The following PRKCA variants were observed in gnomAD, a reference collection of about 807,000 sequenced individuals.
PRKCA encodes the protein protein kinase C alpha type.
A neutral mutation model predicts 87.0 loss-of-function variants in PRKCA; 27 were observed. The ratio of observed to expected loss-of-function variants is 0.31; its 90% confidence interval spans 0.23 to 0.43. PRKCA has a LOEUF of 0.43. Among genes scored for constraint, PRKCA ranks in the 20% least tolerant of loss-of-function variants. The pLI is 1.00. For missense variants in PRKCA, 518 were observed against 852.3 expected, an observed-to-expected ratio of 0.61 and a Z score of 4.88; for synonymous variants, 329 against 311.1, an observed-to-expected ratio of 1.06 and a Z score of -0.61.
At chr17:66,454,765 T>C (rs1914503880) in intron 2 of PRKCA, among the ~76,000 whole-genome samples, 1 of 152,208 alleles carries the variant, frequency 6.6e-6, no homozygotes, top group Middle Eastern at 3.2e-3. Context: ...TGTGTAGGAA[T>C]TTACGGGAGG....
chr17:66,772,895 TTAAGA>T (rs1974972730), intron 13 of PRKCA, among the ~76,000 whole-genome samples: 2 of 152,210 alleles, frequency 1.3e-5, no homozygotes, highest in Non-Finnish European at 2.9e-5. Flanking sequence ...TTTTTTTAAT[TTAAGA>T]TATGTCAGTT....
At chr17:66,524,839 C>T (rs1396560391) in intron 3 of PRKCA, among the ~76,000 whole-genome samples, 1 of 152,190 alleles carries the variant, frequency 6.6e-6, no homozygotes, top group Non-Finnish European at 1.5e-5. Context: ...CACCTCTTCC[C>T]TGCAAGGAGA....
chr17:66,335,873 A>G (rs1598599490), intron 2 of PRKCA, among the ~76,000 whole-genome samples: 1 of 152,288 alleles, frequency 6.6e-6, no homozygotes, highest in East Asian at 1.9e-4. Context: ...ACTGGGCTAC[A>G]TAGTATGAAC....
chr17:66,543,937 T>C (rs1019952514), intron 3 of PRKCA, among the ~76,000 whole-genome samples: 1 of 151,982 alleles, frequency 6.6e-6, no homozygotes, highest in Non-Finnish European at 1.5e-5. Flanking sequence ...CTAGGCTGGG[T>C]GCTGTGGCTC....
intron 3 of PRKCA, among the ~76,000 whole-genome samples, chr17:66,511,724 A>G (rs1292717748): frequency 6.7e-6 from 1 of 148,538 alleles, no homozygotes; most frequent in Non-Finnish European, 1.5e-5. Flanking sequence ...TCTGTCACCC[A>G]GGCTGGAGTG....
chr17:66,531,912 A>G (rs7224823), intron 3 of PRKCA, among the ~76,000 whole-genome samples: 240 of 152,204 alleles, frequency 1.6e-3, no homozygotes, highest in African/African-American at 5.5e-3. Context: ...CCATGTTTCC[A>G]GGGGTGGAAT....
intron 14 of PRKCA, among the ~76,000 whole-genome samples, chr17:66,778,449 G>A (rs533936737): frequency 6.6e-6 from 1 of 152,302 alleles, no homozygotes; most frequent in South Asian, 2.1e-4. Flanking sequence ...CCGGGAGGCG[G>A]AGCTTGCAGT....
chr17:66,497,087 A>G (rs1287621160), intron 3 of PRKCA, among the ~76,000 whole-genome samples: 1 of 152,208 alleles, frequency 6.6e-6, no homozygotes, highest in African/African-American at 2.4e-5. Flanking sequence ...GATTGAAATA[A>G]TTTAGCATCT....
chr17:66,400,963 G>T (rs1910988607), intron 2 of PRKCA, among the ~76,000 whole-genome samples: 1 of 152,160 alleles, frequency 6.6e-6, no homozygotes, highest in Non-Finnish European at 1.5e-5. Context: ...TCAGAATACT[G>T]GTTGTACAAA....
At chr17:66,533,708 T>C (rs1049677471) in intron 3 of PRKCA, among the ~76,000 whole-genome samples, 1 of 152,000 alleles carries the variant, frequency 6.6e-6, no homozygotes, top group African/African-American at 2.4e-5. Context: ...CCGCCCCCAC[T>C]GGCCAGGCAG....
chr17:66,534,215 T>C (rs1236402601), intron 3 of PRKCA, among the ~76,000 whole-genome samples: 1 of 152,168 alleles, frequency 6.6e-6, no homozygotes, highest in Non-Finnish European at 1.5e-5. Flanking sequence ...CTGGGTCAGT[T>C]ATTATTGTTC....
chr17:66,440,684 A>C (rs111426047), intron 2 of PRKCA, among the ~76,000 whole-genome samples: 3 of 152,186 alleles, frequency 2.0e-5, no homozygotes, highest in African/African-American at 7.2e-5. Context: ...CCACAGACCG[A>C]GGGTGGGCTA....
At chr17:66,712,569 G>A (rs1436863723) in intron 8 of PRKCA, among the ~76,000 whole-genome samples, 2 of 152,108 alleles carry the variant, frequency 1.3e-5, no homozygotes, top group African/African-American at 4.8e-5. Flanking sequence ...TTCTTGCCTG[G>A]CTCCTCCTAG....
intron 3 of PRKCA, among the ~76,000 whole-genome samples, chr17:66,561,831 A>G (rs945863056): frequency 3.9e-5 from 6 of 151,982 alleles, no homozygotes; most frequent in Non-Finnish European, 8.8e-5. Context: ...TTAAACGATT[A>G]TATGAGGTAC....
intron 2 of PRKCA, among the ~76,000 whole-genome samples, chr17:66,377,396 G>C (rs1909484043): frequency 6.6e-6 from 1 of 151,642 alleles, no homozygotes; most frequent in Non-Finnish European, 1.5e-5. Flanking sequence ...CCAAGAAACA[G>C]GAATTTACTT....
At chr17:66,424,193 A>G (rs762119388) in intron 2 of PRKCA, among the ~76,000 whole-genome samples, 2 of 152,174 alleles carry the variant, frequency 1.3e-5, no homozygotes, top group Non-Finnish European at 2.9e-5. Flanking sequence ...AACAGCAAGT[A>G]TTCTGGATAT....
In PRKCA at chr17:66,578,278, A is replaced by G. The variant is rs564535854; in HGVS notation, c.289-63077A>G. ...CACCTGCAGCAGGTAGAGCCCAGCA[A>G]GTCGGTCCAGGCTTCCGCACATGGT... is the stretch of plus-strand genomic sequence containing the variant. On this transcript the variant is annotated intron_variant, in intron 3 of 16. Coordinates refer to ENST00000413366, the MANE Select transcript of PRKCA (RefSeq NM_002737.3). Among the ~76,000 whole-genome samples the G allele has an allele frequency of 2.2e-4, 34 of 152,280 alleles. 1 individual carries two copies. Among genetic ancestry groups the G allele is most frequent in the Admixed American group, 9.1e-4 (14 of 15,308 alleles).
In PRKCA at chr17:66,428,632, A is replaced by C. The variant is rs191550672; in HGVS notation, c.206-67569A>C. On this transcript the variant is annotated intron_variant, in intron 2 of 16. Coordinates refer to ENST00000413366, the MANE Select transcript of PRKCA (RefSeq NM_002737.3). The stretch of plus-strand genomic sequence containing the variant: ...AATTCTCCTGCTTCAGCCTCCCGAG[A>C]AGCTGGGACTACAGTCATGTATCAC... Among the ~76,000 whole-genome samples, 28 of 151,790 alleles carry C rather than the reference A, an allele frequency of 1.8e-4. 1 individual carries two copies. In the East Asian group the frequency reaches 5.2e-3, roughly 28 times the overall value.
chr17:66,441,087 G>A (rs573024367), intron 2 of PRKCA, among the ~76,000 whole-genome samples: 21 of 151,040 alleles, frequency 1.4e-4, no homozygotes, highest in South Asian at 6.3e-4. Context: ...CCTTGGACCC[G>A]GGAGACGGAT....
Sources: allele counts gnomAD v4.1 joint callset (sites outside exome capture counted in the v4.1 genomes callset), GRCh38; gene constraint gnomAD v4.1.1; transcripts MANE v1.5; gene names NCBI Gene and HGNC (gene_info 2026-07-23, HGNC 2026-07-21).